Variants in EIF4B observed in about 807,000 individuals in gnomAD.
EIF4B encodes the protein eukaryotic translation initiation factor 4B.
A neutral mutation model predicts 79.3 loss-of-function variants in EIF4B; 8 were observed. The observed-to-expected ratio is 0.10, with a 90% CI of 0.06 to 0.18. The LOEUF (loss-of-function observed/expected upper bound fraction) is 0.18, where lower values mean the gene tolerates loss of function less well. Ranked by LOEUF, EIF4B falls within the 10% of genes least tolerant of loss-of-function variation. The pLI is 1.00. For synonymous variants in EIF4B, 238 were observed against 274.7 expected (o/e 0.87, Z 1.32); for missense variants, 515 against 792.4 (o/e 0.65, Z 4.20).
At chr12:53,011,960 C>A (rs948456888) in intron 1 of EIF4B, 1 of 152,142 alleles carries the variant, frequency 6.6e-6, no homozygotes, top group Non-Finnish European at 1.5e-5. Flanking sequence ...GATTGATAAA[C>A]CTGGAGCATT....
chr12:53,023,206 T>C (rs1010211791), intron 6 of EIF4B, among the ~76,000 whole-genome samples: 39 of 152,188 alleles, frequency 2.6e-4, no homozygotes, highest in Admixed American at 1.6e-3. Flanking sequence ...AAGAGCAGCA[T>C]ACAAAGATCA....
chr12:53,039,401 A>G (rs1158944692), intron 13 of EIF4B, 58 bp downstream of exon 13: 7 of 1,427,140 alleles, frequency 4.9e-6, no homozygotes, highest in Non-Finnish European at 6.7e-6. Flanking sequence ...TAATTAAGAA[A>G]TTAAGTTCTT....
In EIF4B at chr12:53,028,152, G is replaced by T. The variant is rs780942167; in HGVS notation, c.943G>T (p.Asp315Tyr). The change falls in exon 8 of 15, where the codon GAT (aspartate) becomes TAT (tyrosine). Residue 315 changes from aspartate (D) to tyrosine (Y), a missense_variant. Physicochemically the swap from Asp to Tyr is radical, Grantham distance 160 (BLOSUM62 -3). This residue lies in a region of EIF4B where 187 missense variants were observed against 256.5 expected (regional missense o/e 0.73). Transcript: ENST00000262056. ...TGATCGGTCGTGGAGCTCCAGAGAT[G>T]ATTACTCTCGGGATGATTATAGGCG... Reference protein sequence around the residue: ...RDDRSWSSRDDYSRDDYRRDD... With the variant: ...RDDRSWSSRDYYSRDDYRRDD... The T allele has an allele frequency of 1.2e-6, 2 of 1,612,386 alleles. No homozygotes were observed. Among genetic ancestry groups the T allele is most frequent in the Non-Finnish European group, 1.7e-6 (2 of 1,179,364 alleles).
chr12:53,029,204 C>T (rs535491408), intron 8 of EIF4B, among the ~76,000 whole-genome samples: 7 of 151,950 alleles, frequency 4.6e-5, no homozygotes, highest in African/African-American at 1.7e-4. Flanking sequence ...TTTGGTGCAC[C>T]TATTCTAAAA....
At chr12:53,008,880 C>T (rs1215841429) in intron 1 of EIF4B, among the ~76,000 whole-genome samples, 5 of 152,008 alleles carry the variant, frequency 3.3e-5, no homozygotes, top group Non-Finnish European at 7.4e-5. Flanking sequence ...ACTAAAAATA[C>T]AAAAATTAGC....
chr12:53,016,753 A>G, intron 2 of EIF4B, 143 bp downstream of exon 2: 2 of 1,266,246 alleles, frequency 1.6e-6, no homozygotes, highest in Admixed American at 3.3e-5. Context: ...TATAGAATCT[A>G]AGGTTTAATC....
intron 1 of EIF4B, chr12:53,012,222 T>C (rs1415692398): frequency 6.6e-6 from 1 of 152,172 alleles, no homozygotes; most frequent in Non-Finnish European, 1.5e-5. Flanking sequence ...GTTAAATAAG[T>C]TGAAGATCTT....
In EIF4B at chr12:53,040,660, CATT is replaced by C. The variant is rs1943618872; in HGVS notation, c.*440_*442del. 6.5e-6 allele frequency: 1 copy of C among 153,184 alleles called. No homozygotes were observed. The highest frequency in any genetic ancestry group is 1.9e-4 in the East Asian group (1 of 5,236). 9.5% of individuals were successfully genotyped at this position (153,184 alleles called of 1,614,324 possible). On this transcript the variant is annotated 3_prime_UTR_variant, in exon 15 of 15. Transcript: ENST00000262056. ...ATTGTGGCATATATGAATTCTCAAA[CATT>C]ATCTGAATAAATTTTCCACTCTTGG...
At chr12:53,015,753 G>A (rs567811702) in intron 1 of EIF4B, among the ~76,000 whole-genome samples, 12 of 151,612 alleles carry the variant, frequency 7.9e-5, no homozygotes, top group African/African-American at 2.7e-4. Flanking sequence ...GAGGCAGGAG[G>A]ATCACCTGAG....
At chr12:53,013,310 T>C (rs1426192609) in intron 1 of EIF4B, among the ~76,000 whole-genome samples, 1 of 152,230 alleles carries the variant, frequency 6.6e-6, no homozygotes, top group East Asian at 1.9e-4. Context: ...GGTTAATAAT[T>C]GGATATTAGC....
intron 6 of EIF4B, chr12:53,025,432 TA>T (rs1943317613): frequency 3.0e-6 from 1 of 334,274 alleles, no homozygotes; most frequent in Admixed American, 4.2e-5. Context: ...TCCCAAGCAT[TA>T]GGCCAAAAAG....
chr12:53,036,769 C>T (rs1478703436), intron 10 of EIF4B, among the ~76,000 whole-genome samples: 5 of 152,122 alleles, frequency 3.3e-5, no homozygotes, highest in Admixed American at 6.5e-5. Context: ...CTCTGTCAGC[C>T]AGGCTGGAGT....
chr12:53,031,835 G>A (rs1440172989), intron 8 of EIF4B, among the ~76,000 whole-genome samples: 2 of 152,192 alleles, frequency 1.3e-5, no homozygotes, highest in Non-Finnish European at 1.5e-5. Context: ...AGAGGACAGA[G>A]TACAGCTGGT....
At chr12:53,022,954 A>G (rs1430037093) in intron 6 of EIF4B, among the ~76,000 whole-genome samples, 1 of 152,142 alleles carries the variant, frequency 6.6e-6, no homozygotes, top group Admixed American at 6.6e-5. Flanking sequence ...GCTTAAGGCC[A>G]GGAGTTTGAG....
At position 53,018,844 on chromosome 12, in the gene EIF4B, T is replaced by C. The variant is rs757957213; in HGVS notation, c.198T>C (p.Pro66=). 6.2e-7 allele frequency: 1 copy of C among 1,613,502 alleles called. No individual in the cohort carries two copies. Among genetic ancestry groups the C allele is most frequent in the Non-Finnish European group, 8.5e-7 (1 of 1,179,864 alleles). ...HSNDDDVYRA[P]PIDRSILPTA... is the part of the protein sequence containing the mutation. ...ACGATGACGATGTGTATAGGGCGCC[T>C]CCAATTGACCGTTCCATCCTTCCCA... Residue 66 remains proline (P), a synonymous_variant, in exon 3 of 15, where the codon CCT becomes CCC. Coordinates refer to ENST00000262056, the MANE Select transcript of EIF4B (RefSeq NM_001417.7).
rs1943637880 is a variant in EIF4B at position 53,041,508 on chromosome 12, T to TA, written c.*1285_*1286insA. On this transcript the variant is annotated 3_prime_UTR_variant, in exon 15 of 15. Transcript: ENST00000262056. The stretch of plus-strand genomic sequence containing the variant: ...CCAGACCAATGTGTTGTTTTGTTGT[T>TA]GTTTTTTTAAGCTTCCCTTGAGAGA... The TA allele has an allele frequency of 1.7e-5, 1 of 59,184 alleles. No homozygotes were observed. The highest frequency in any genetic ancestry group is 2.7e-4 in the Admixed American group (1 of 3,722). 3.7% of individuals were successfully genotyped at this position (59,184 alleles called of 1,614,324 possible).
At chr12:53,016,165 A>G (rs1013200574) in intron 1 of EIF4B, among the ~76,000 whole-genome samples, 6 of 152,218 alleles carry the variant, frequency 3.9e-5, no homozygotes, top group Non-Finnish European at 5.9e-5. Context: ...AAAGATCTCA[A>G]ATGATAAGTG....
At chr12:53,017,816 C>T (rs1214206499) in intron 2 of EIF4B, among the ~76,000 whole-genome samples, 1 of 152,144 alleles carries the variant, frequency 6.6e-6, no homozygotes, top group Non-Finnish European at 1.5e-5. Context: ...TGGTCTTGAA[C>T]TCCTGACCTC....
intron 3 of EIF4B, 130 bp from the exon 4 acceptor site, chr12:53,019,780 C>T (rs1943218588): frequency 1.3e-6 from 1 of 771,438 alleles, no homozygotes; most frequent in East Asian, 3.0e-5. Context: ...AGTTTTCCTC[C>T]TGAGACAACC....
Sources: allele counts gnomAD v4.1 joint callset (sites outside exome capture counted in the v4.1 genomes callset), GRCh38; gene constraint gnomAD v4.1.1; regional missense constraint gnomAD v4.1.1; transcripts MANE v1.5; gene names NCBI Gene and HGNC (gene_info 2026-07-23, HGNC 2026-07-21).